CARS1: variants seen among roughly 807,000 people sequenced by gnomAD.
CARS1 encodes the protein cysteinyl-tRNA synthetase 1, also known as cysteine--tRNA ligase, cytoplasmic.
A neutral mutation model predicts 106.2 loss-of-function variants in CARS1; 48 were observed. The ratio of observed to expected loss-of-function variants is 0.45; its 90% CI spans 0.36 to 0.57. The LOEUF is 0.57. Ranked by LOEUF, CARS1 falls within the 20% of genes least tolerant of loss-of-function variation. The pLI, the probability that CARS1 is intolerant of heterozygous loss-of-function variation, is 0.00. For synonymous variants in CARS1, 409 were observed against 403.4 expected, an observed-to-expected ratio of 1.01 and a Z score of -0.17; for missense variants, 968 against 1,057.2, an observed-to-expected ratio of 0.92 and a Z score of 1.17.
rs7928016 is a variant in CARS1, at chr11:3,053,845, A to G, written c.25+3498T>C. Among the ~76,000 whole-genome samples the G allele has an allele frequency of 0.026, 3,974 of 151,752 alleles. 180 individuals carry two copies. Among genetic ancestry groups the G allele is most frequent in the African/African-American group, 0.091 (3,744 of 41,348 alleles). ...GGGTCTGCACCCCTCACTCACCCTG[A>G]CCCTTTGCCCTCTGACCCTGCTACT... On this transcript the variant is annotated intron_variant, in intron 1 of 22. Coordinates refer to ENST00000380525, the MANE Select transcript of CARS1 (RefSeq NM_001014437.3). The surrounding 1 kb of genome is among the most constrained non-coding windows in gnomAD (Gnocchi z 6.6).
rs751186942 is a variant in CARS1, at chr11:3,054,983, A to C, written c.25+2360T>G. 21 of 702,496 alleles carry C rather than the reference A, an allele frequency of 3.0e-5. No individual in the cohort carries two copies. In the South Asian group the frequency reaches 3.1e-4, roughly 10 times the overall value. The allele number at this position is 702,496 out of a possible 1,614,324, so 43.5% of individuals were successfully genotyped here. ...GAAATGAAACTCATCCTTCTGAAATAATCAGGCTCTTGGACAGGCACCAAG... is the reference window on the plus strand; with the variant it reads ...GAAATGAAACTCATCCTTCTGAAATCATCAGGCTCTTGGACAGGCACCAAG... On this transcript the variant is annotated intron_variant, in intron 1 of 22. Transcript: ENST00000380525.
rs1224948425 is a variant in CARS1 at position 3,050,812 on chromosome 11, T to TGGCCCCCTCTATGGCCCG, written c.26-2812_26-2811insCGGGCCATAGAGGGGGCC. ...CCACCAGGTCTTCAAGGACTCCCTG[T>TGGCCCCCTCTATGGCCCG]CCATATGGCGCCCGCCTCTAGACCC... On this transcript the variant is annotated intron_variant, in intron 1 of 22. Coordinates refer to ENST00000380525, the MANE Select transcript of CARS1 (RefSeq NM_001014437.3). This position sits in a 1 kb window ranked among gnomAD's most constrained non-coding sequence, Gnocchi z 6.3. Among the ~76,000 whole-genome samples, 1 of 152,168 alleles carries TGGCCCCCTCTATGGCCCG rather than the reference T, an allele frequency of 6.6e-6. No individual in the cohort carries two copies.
At chr11:3,013,748 G>C (rs1381820227) in intron 17 of CARS1, among the ~76,000 whole-genome samples, 1 of 152,082 alleles carries the variant, frequency 6.6e-6, no homozygotes, top group East Asian at 1.9e-4. Context: ...AGCTACTCAG[G>C]AGGCTGAGGC....
At chr11:3,018,361 C>G in intron 14 of CARS1, 47 bp downstream of exon 14, 2 of 1,286,308 alleles carry the variant, frequency 1.6e-6, no homozygotes, top group South Asian at 2.4e-5. Flanking sequence ...GCCCACTGTG[C>G]AGGGGAGGCT....
chr11:3,038,196 A>G lies in CARS1; in HGVS notation c.655T>C (p.Phe219Leu). Residue 219 changes from phenylalanine to leucine, a missense_variant, in exon 7 of 23, where the codon TTT becomes CTT. Physicochemically the swap from Phe to Leu is conservative, Grantham distance 22. Coordinates refer to ENST00000380525, the MANE Select transcript of CARS1 (RefSeq NM_001014437.3). This position sits in a 1 kb window ranked among gnomAD's most constrained non-coding sequence, Gnocchi z 4.0. Reference sequence around the variant, plus strand: ...GTGGTCTCATTTAATTTTACTGAAAATGGCTGCAACCATAAAGAGACGTCA... The same window carrying G: ...GTGGTCTCATTTAATTTTACTGAAAGTGGCTGCAACCATAAAGAGACGTCA... ...LEDVQAALKP[F>L]SVKLNETTDP... The G allele has an allele frequency of 6.2e-7, 1 of 1,613,888 alleles. No homozygotes were observed.
chr11:3,012,991 G>A (rs1850635064), intron 17 of CARS1, among the ~76,000 whole-genome samples: 1 of 148,078 alleles, frequency 6.8e-6, no homozygotes, highest in South Asian at 2.2e-4. Flanking sequence ...CCAGGTTCAA[G>A]CGATTCACCT....
chr11:3,037,676 C>T lies in CARS1; in HGVS notation c.801+374G>A, dbSNP rs1161005290. On this transcript the variant is annotated intron_variant, in intron 7 of 22. Coordinates refer to ENST00000380525, the MANE Select transcript of CARS1 (RefSeq NM_001014437.3). The surrounding 1 kb of genome is among the most constrained non-coding windows in gnomAD (Gnocchi z 5.9). ...TCAATGCTCAATTCAATGTTAATCC[C>T]TGCTCCTCCTTCTCCAGCTGGTGTG... is the stretch of plus-strand genomic sequence containing the variant. Among the ~76,000 whole-genome samples the T allele has an allele frequency of 6.6e-6, 1 of 152,218 alleles. No homozygotes were observed. Among genetic ancestry groups the T allele is most frequent in the Non-Finnish European group, 1.5e-5 (1 of 68,026 alleles).
rs1236475654 is a variant in CARS1, at chr11:3,034,275, C to T, written c.801+3775G>A. ...TCACTCTGTTTCCCAGGCTGGAATGCAGTGGCGTGATCTCGGCTCACTGCA... is the reference window on the plus strand; with the variant it reads ...TCACTCTGTTTCCCAGGCTGGAATGTAGTGGCGTGATCTCGGCTCACTGCA... On this transcript the variant is annotated intron_variant, in intron 7 of 22. Transcript: ENST00000380525. This position sits in a 1 kb window ranked among gnomAD's most constrained non-coding sequence, Gnocchi z 6.3. 6.6e-6 allele frequency among the ~76,000 whole-genome samples: 1 copy of T among 152,110 alleles called. No homozygotes were observed. Among genetic ancestry groups the T allele is most frequent in the Non-Finnish European group, 1.5e-5 (1 of 68,032 alleles).
At chr11:3,009,163 A>T (rs765750079) in intron 18 of CARS1, 1 of 152,314 alleles carries the variant, frequency 6.6e-6, no homozygotes, top group Non-Finnish European at 1.5e-5. Context: ...CTGAAGAGAA[A>T]TGTGGGCTAC....
chr11:3,054,764 A>G, intron 1 of CARS1: 2 of 652,944 alleles, frequency 3.1e-6, no homozygotes, highest in Non-Finnish European at 5.5e-6. Flanking sequence ...GAGATAACAG[A>G]TGCAAAGCAT....
At chr11:3,002,641 C>G in intron 20 of CARS1, 41 bp from the exon 21 acceptor site, 4 of 1,612,708 alleles carry the variant, frequency 2.5e-6, no homozygotes, top group Non-Finnish European at 3.4e-6. Context: ...AGGGCTGCCT[C>G]AGGCTGCTGG....
intron 20 of CARS1, among the ~76,000 whole-genome samples, chr11:3,005,107 CAAA>C (rs71035465): frequency 1.1e-5 from 1 of 90,688 alleles, no homozygotes; most frequent in Non-Finnish European, 2.1e-5. Flanking sequence ...GACTCCGTCT[CAAA>C]AAAAAAAAAA....
In CARS1 at chr11:3,043,748, C is replaced by T. The variant is rs924165425; in HGVS notation, c.275-1492G>A. Among the ~76,000 whole-genome samples, 24 of 152,098 alleles carry T rather than the reference C, an allele frequency of 1.6e-4. No homozygotes were observed. The highest frequency in any genetic ancestry group is 3.4e-4 in the Non-Finnish European group (23 of 68,016). ...CCTCCCGGCTCTAGCTCAGGCCACACGAGCCAGGACGGCAGACGCTGATGA... is the reference window on the plus strand; with the variant it reads ...CCTCCCGGCTCTAGCTCAGGCCACATGAGCCAGGACGGCAGACGCTGATGA... On this transcript the variant is annotated intron_variant, in intron 2 of 22. Transcript: ENST00000380525. The surrounding 1 kb of genome is among the most constrained non-coding windows in gnomAD (Gnocchi z 4.0).
At chr11:3,012,123 G>C in intron 18 of CARS1, 72 bp downstream of exon 18, 1 of 1,367,694 alleles carries the variant, frequency 7.3e-7, no homozygotes, top group Non-Finnish European at 1.0e-6. Flanking sequence ...TAGTGCCTCG[G>C]GGGAGACGCC....
chr11:3,018,880 G>C, intron 12 of CARS1, 131 bp from the exon 13 acceptor site: 1 of 1,282,706 alleles, frequency 7.8e-7, no homozygotes, highest in East Asian at 2.5e-5. Flanking sequence ...GTGCAGGCAG[G>C]GCTTGGAAGG....
chr11:3,036,214 G>A (rs537025448), intron 7 of CARS1, among the ~76,000 whole-genome samples: 7 of 152,186 alleles, frequency 4.6e-5, no homozygotes, highest in South Asian at 2.1e-4. Flanking sequence ...TCTGCTCCTC[G>A]CTGTGTCACT....
rs1422605210 is a variant in CARS1, at chr11:3,052,388, T to C, written c.26-4387A>G. Among the ~76,000 whole-genome samples, 2 of 152,254 alleles carry C rather than the reference T, an allele frequency of 1.3e-5. No individual in the cohort carries two copies. Among genetic ancestry groups the C allele is most frequent in the African/African-American group, 2.4e-5 (1 of 41,472 alleles). On this transcript the variant is annotated intron_variant, in intron 1 of 22. Transcript: ENST00000380525. This position sits in a 1 kb window ranked among gnomAD's most constrained non-coding sequence, Gnocchi z 4.6. ...AGCCAGGGGCCCCATTTGCCATCAT[T>C]ATTATCATAATCGCTCTGGTATTAT...
rs530273028 is a variant in CARS1 at position 3,041,939 on chromosome 11, C to A, written c.366+226G>T. On this transcript the variant is annotated intron_variant, in intron 3 of 22. Transcript: ENST00000380525. The surrounding 1 kb of genome is among the most constrained non-coding windows in gnomAD (Gnocchi z 4.9). ...CCCAGAAGTCATGGGCAGGCTTCCA[C>A]ATGAGGCATGATACTTCACGTGTCT... Among the ~76,000 whole-genome samples, 1 of 152,216 alleles carries A rather than the reference C, an allele frequency of 6.6e-6. No homozygotes were observed. The highest frequency in any genetic ancestry group is 1.5e-5 in the Non-Finnish European group (1 of 68,042).
At chr11:3,025,507 C>T (rs374198977) in intron 10 of CARS1, among the ~76,000 whole-genome samples, 3 of 152,212 alleles carry the variant, frequency 2.0e-5, no homozygotes, top group Non-Finnish European at 4.4e-5. Context: ...GGATTATAGG[C>T]GTGAGCCACC....
Sources: allele counts gnomAD v4.1 joint callset (sites outside exome capture counted in the v4.1 genomes callset), GRCh38; gene constraint gnomAD v4.1.1; non-coding constraint Gnocchi (gnomAD v3.1); transcripts MANE v1.5; gene names NCBI Gene and HGNC (gene_info 2026-07-23, HGNC 2026-07-21).